GLIPR1L2: variants seen among roughly 807,000 people sequenced by gnomAD.
GLIPR1L2 encodes GLIPR1 like 2.
A neutral mutation model predicts 28.4 loss-of-function variants in GLIPR1L2; 21 were observed. The ratio of observed to expected loss-of-function variants is 0.74; its 90% confidence interval spans 0.52 to 1.06. The LOEUF is 1.06. GLIPR1L2 is among the 50% of genes least tolerant of loss of function. The probability of loss-of-function intolerance (pLI) is 0.00; values close to 1 mark genes in which losing one functional copy is unlikely to be tolerated. For synonymous variants in GLIPR1L2, 145 were observed against 139.3 expected (o/e 1.04, Z -0.29); for missense variants, 476 against 416.9 (o/e 1.14, Z -1.23).
At chr12:75,417,917 G>A (rs1180038105) in intron 3 of GLIPR1L2, among the ~76,000 whole-genome samples, 1 of 151,950 alleles carries the variant, frequency 6.6e-6, no homozygotes, top group Non-Finnish European at 1.5e-5. Context: ...ATATTAGAAA[G>A]GACACAAGGA....
chr12:75,416,445 C>T (rs756054722), intron 3 of GLIPR1L2, among the ~76,000 whole-genome samples: 3 of 151,848 alleles, frequency 2.0e-5, no homozygotes, highest in Admixed American at 1.3e-4. Context: ...TGGGGCACTA[C>T]GCTATTTTAA....
rs935019751 is a variant in GLIPR1L2, at chr12:75,400,196, G to T, written c.234+8846G>T. ...TGCAGTGGCGCCATCTCGGCTCACT[G>T]CAACCTCTGCCTCCTGGGTTCATGC... On this transcript the variant is annotated intron_variant, in intron 1 of 5. Coordinates refer to ENST00000550916, the MANE Select transcript of GLIPR1L2 (RefSeq NM_001270396.2). 7.2e-5 allele frequency among the ~76,000 whole-genome samples: 11 copies of T among 152,208 alleles called. No homozygotes were observed. In the South Asian group the frequency reaches 8.3e-4, roughly 11 times the overall value.
intron 3 of GLIPR1L2, among the ~76,000 whole-genome samples, chr12:75,417,846 T>G (rs4587767): frequency 0.35 from 52,899 of 151,792 alleles, 9,583 homozygotes; most frequent in East Asian, 0.46. Flanking sequence ...ACTCACACAT[T>G]TTAAGTACAA....
At chr12:75,419,023 C>T (rs1012446632) in intron 3 of GLIPR1L2, among the ~76,000 whole-genome samples, 1 of 151,120 alleles carries the variant, frequency 6.6e-6, no homozygotes, top group Non-Finnish European at 1.5e-5. Context: ...GGGTGGGGTG[C>T]GAGGGGAGGG....
At chr12:75,424,822 A>G (rs1261182076) in intron 4 of GLIPR1L2, among the ~76,000 whole-genome samples, 1 of 152,090 alleles carries the variant, frequency 6.6e-6, no homozygotes, top group African/African-American at 2.4e-5. Flanking sequence ...CTCTTGCTTC[A>G]CTTGAATCAA....
intron 1 of GLIPR1L2, 69 bp from the exon 2 acceptor site, chr12:75,410,360 TAACTC>T (rs1197769104): frequency 1.0e-5 from 14 of 1,350,976 alleles, no homozygotes; most frequent in South Asian, 1.6e-5. Flanking sequence ...AATCTAATGA[TAACTC>T]AAGAAAAAAT....
In GLIPR1L2 at chr12:75,418,004, A is replaced by G. The variant is rs184610084; in HGVS notation, c.584+4303A>G. 8.9e-4 allele frequency among the ~76,000 whole-genome samples: 136 copies of G among 152,194 alleles called. 3 individuals are homozygous for G. Among genetic ancestry groups the G allele is most frequent in the South Asian group, 2.1e-4 (1 of 4,824 alleles). Reference sequence around the variant, plus strand: ...GGAAAATATATAGAGTGGAGGGAAAATAACTTTTATTTTTAGGCATGTTGG... The same window carrying G: ...GGAAAATATATAGAGTGGAGGGAAAGTAACTTTTATTTTTAGGCATGTTGG... On this transcript the variant is annotated intron_variant, in intron 3 of 5. Transcript: ENST00000550916.
At chr12:75,427,517 G>A (rs2139967523) in intron 4 of GLIPR1L2, among the ~76,000 whole-genome samples, 1 of 152,308 alleles carries the variant, frequency 6.6e-6, no homozygotes, top group East Asian at 1.9e-4. Context: ...TTTCCCCTAA[G>A]AGTAATATTA....
At chr12:75,412,093 C>T (rs1478180115) in intron 2 of GLIPR1L2, among the ~76,000 whole-genome samples, 1 of 152,016 alleles carries the variant, frequency 6.6e-6, no homozygotes, top group Admixed American at 6.6e-5. Flanking sequence ...TTCAATACTT[C>T]TCTACTCTTG....
At chr12:75,400,827 G>A (rs543002520) in intron 1 of GLIPR1L2, among the ~76,000 whole-genome samples, 25 of 152,266 alleles carry the variant, frequency 1.6e-4, no homozygotes, top group Middle Eastern at 3.4e-3. Context: ...AGTATTTAGT[G>A]TATTAGGGCT....
chr12:75,405,542 A>C (rs2045788479), intron 1 of GLIPR1L2, among the ~76,000 whole-genome samples: 1 of 152,126 alleles, frequency 6.6e-6, no homozygotes, highest in Non-Finnish European at 1.5e-5. Context: ...TCACAGGTTC[A>C]AATTATTACT....
intron 1 of GLIPR1L2, among the ~76,000 whole-genome samples, chr12:75,400,952 A>T (rs988110519): frequency 5.9e-5 from 9 of 151,902 alleles, no homozygotes; most frequent in Non-Finnish European, 1.5e-5. Context: ...TTTGTTATTT[A>T]ATCATATGTA....
rs147158959 is a variant in GLIPR1L2 at position 75,408,229 on chromosome 12, A to G, written c.235-2205A>G. Among the ~76,000 whole-genome samples the G allele has an allele frequency of 5.4e-3, 825 of 152,112 alleles. 7 individuals are homozygous for G. Among genetic ancestry groups the G allele is most frequent in the African/African-American group, 0.019 (782 of 41,540 alleles). On this transcript the variant is annotated intron_variant, in intron 1 of 5. Transcript: ENST00000550916. Reference sequence around the variant, plus strand: ...ACCTCTCTTTTCAATTATGATTTTTATTCATAGTTGAATAAAAGAATTTGG... The same window carrying G: ...ACCTCTCTTTTCAATTATGATTTTTGTTCATAGTTGAATAAAAGAATTTGG...
intron 1 of GLIPR1L2, among the ~76,000 whole-genome samples, chr12:75,405,748 G>A (rs1012146992): frequency 2.4e-4 from 36 of 151,966 alleles, no homozygotes; most frequent in African/African-American, 8.4e-4. Flanking sequence ...TCACTCTTTC[G>A]GCCTTCAACA....
chr12:75,401,636 A>T (rs988003366), intron 1 of GLIPR1L2, among the ~76,000 whole-genome samples: 1 of 152,072 alleles, frequency 6.6e-6, no homozygotes, highest in Non-Finnish European at 1.5e-5. Context: ...TATGCTCATA[A>T]AGAAAAACTT....
At chr12:75,423,455 G>A (rs1392149402) in intron 4 of GLIPR1L2, 2 of 903,720 alleles carry the variant, frequency 2.2e-6, no homozygotes, top group South Asian at 5.1e-5. Flanking sequence ...TTTTCTTTTA[G>A]TTTTTCCAAA....
At chr12:75,410,406 T>C in intron 1 of GLIPR1L2, 28 bp from the exon 2 acceptor site, 2 of 1,475,380 alleles carry the variant, frequency 1.4e-6, no homozygotes, top group Middle Eastern at 1.8e-4. Flanking sequence ...ACTTATTTTG[T>C]TCTCTTTGCT....
chr12:75,429,309 A>C (rs1452668806), intron 4 of GLIPR1L2, among the ~76,000 whole-genome samples: 1 of 151,210 alleles, frequency 6.6e-6, no homozygotes, highest in African/African-American at 2.4e-5. Flanking sequence ...TTAAGATGTA[A>C]TGACTGTCCT....
intron 3 of GLIPR1L2, among the ~76,000 whole-genome samples, chr12:75,417,438 A>G (rs1288672634): frequency 6.6e-6 from 1 of 152,144 alleles, no homozygotes; most frequent in African/African-American, 2.4e-5. Flanking sequence ...GAATAAATTA[A>G]TGTTGTTTTA....
Sources: gnomAD v4.1 joint callset for allele counts (sites outside exome capture counted in the v4.1 genomes callset) on GRCh38, gnomAD v4.1.1 for gene constraint, MANE v1.5 for transcripts, NCBI Gene and HGNC (gene_info 2026-07-23, HGNC 2026-07-21) for gene names.